Variants in TAFA1 observed in about 807,000 individuals in gnomAD.
The protein encoded by TAFA1 is TAFA chemokine like family member 1, also known as chemokine-like protein TAFA-1.
A neutral mutation model predicts 18.5 loss-of-function variants in TAFA1; 4 were observed. The observed-to-expected ratio is 0.22, with a 90% CI of 0.11 to 0.49. TAFA1 has a LOEUF of 0.49. Among genes scored for constraint, TAFA1 ranks in the 20% least tolerant of loss-of-function variants. TAFA1 has a pLI of 0.98. For synonymous variants in TAFA1, 56 were observed against 55.2 expected (o/e 1.01, Z -0.06); for missense variants, 147 against 169.0 (o/e 0.87, Z 0.72).
intron 2 of TAFA1, among the ~76,000 whole-genome samples, chr3:68,328,283 T>A (rs2068808723): frequency 6.6e-6 from 1 of 152,208 alleles, no homozygotes; most frequent in Non-Finnish European, 1.5e-5. Context: ...GTGTGGAGTG[T>A]TGAAATTACC....
intron 2 of TAFA1, among the ~76,000 whole-genome samples, chr3:68,349,832 G>T (rs1355383485): frequency 6.6e-6 from 1 of 152,086 alleles, no homozygotes; most frequent in Non-Finnish European, 1.5e-5. Context: ...CCCTAGTGGG[G>T]ATGCGGAAGG....
chr3:68,485,583 C>A (rs2072320111), intron 3 of TAFA1, among the ~76,000 whole-genome samples: 1 of 152,152 alleles, frequency 6.6e-6, no homozygotes, highest in Non-Finnish European at 1.5e-5. Context: ...TCCTTTGACA[C>A]TCCAATAAAT....
intron 2 of TAFA1, among the ~76,000 whole-genome samples, chr3:68,321,700 C>A (rs1421047181): frequency 6.6e-6 from 1 of 152,138 alleles, no homozygotes; most frequent in African/African-American, 2.4e-5. Context: ...TCTCTCCCTA[C>A]CTTCATCCAT....
At chr3:68,411,436 C>T (rs144636639) in intron 2 of TAFA1, among the ~76,000 whole-genome samples, 2,545 of 152,258 alleles carry the variant, frequency 0.017, 36 homozygotes, top group Non-Finnish European at 0.026. Flanking sequence ...ATCATCTACC[C>T]ATCTAAATGT....
chr3:68,297,130 G>A (rs928774911), intron 2 of TAFA1, among the ~76,000 whole-genome samples: 1 of 152,132 alleles, frequency 6.6e-6, no homozygotes, highest in African/African-American at 2.4e-5. Context: ...AAATAAGCAG[G>A]TATATAACAC....
intron 3 of TAFA1, among the ~76,000 whole-genome samples, chr3:68,474,908 T>C (rs1445088318): frequency 2.0e-5 from 3 of 152,174 alleles, no homozygotes; most frequent in African/African-American, 7.2e-5. Context: ...GCTTTGTTTT[T>C]TTCAGAGTGG....
In TAFA1 at chr3:68,485,286, A is replaced by G. The variant is rs114605883; in HGVS notation, c.260-53470A>G. ...GCCAGATGTCTAACTGATTCCAGCC[A>G]TTTGTTTTCAAAACAACCCACTTGT... On this transcript the variant is annotated intron_variant, in intron 3 of 4. Transcript: ENST00000478136. Among the ~76,000 whole-genome samples the G allele has an allele frequency of 3.7e-3, 563 of 152,292 alleles. 3 individuals carry two copies. The highest frequency in any genetic ancestry group is 0.013 in the African/African-American group (520 of 41,568).
rs531046370 is a variant in TAFA1, at chr3:68,116,520, A to G, written c.118+109776A>G. ...TCTTTCAATGAAATTAACATTAACAATCTAATTATTCCCAACCATAGTTAT... is the reference window on the plus strand; with the variant it reads ...TCTTTCAATGAAATTAACATTAACAGTCTAATTATTCCCAACCATAGTTAT... On this transcript the variant is annotated intron_variant, in intron 2 of 4. Coordinates refer to ENST00000478136, the MANE Select transcript of TAFA1 (RefSeq NM_213609.4). 2.0e-4 allele frequency among the ~76,000 whole-genome samples: 31 copies of G among 152,278 alleles called. 1 individual carries two copies. Among genetic ancestry groups the G allele is most frequent in the Admixed American group, 1.8e-3 (27 of 15,296 alleles).
At chr3:68,393,811 C>T (rs978138530) in intron 2 of TAFA1, among the ~76,000 whole-genome samples, 8 of 152,128 alleles carry the variant, frequency 5.3e-5, no homozygotes. Flanking sequence ...TAAAATTCAA[C>T]ACCCCTTCAT....
intron 2 of TAFA1, among the ~76,000 whole-genome samples, chr3:68,241,053 T>A (rs972636635): frequency 6.6e-6 from 1 of 152,176 alleles, no homozygotes; most frequent in Non-Finnish European, 1.5e-5. Context: ...TAGATATAAA[T>A]CGTCACAGCA....
At chr3:68,297,553 C>T (rs1393542026) in intron 2 of TAFA1, among the ~76,000 whole-genome samples, 1 of 152,150 alleles carries the variant, frequency 6.6e-6, no homozygotes, top group African/African-American at 2.4e-5. Context: ...TTCTGATGGG[C>T]AATAATGTCT....
chr3:68,058,042 A>C (rs1192970572), intron 2 of TAFA1, among the ~76,000 whole-genome samples: 1 of 152,224 alleles, frequency 6.6e-6, no homozygotes, highest in Non-Finnish European at 1.5e-5. Flanking sequence ...TTGCTACTGC[A>C]GCAATAAGAA....
At chr3:68,159,562 C>A (rs986171930) in intron 2 of TAFA1, among the ~76,000 whole-genome samples, 3 of 152,070 alleles carry the variant, frequency 2.0e-5, no homozygotes, top group Non-Finnish European at 2.9e-5. Flanking sequence ...CTGCTCCCCC[C>A]TTCCTACTTA....
intron 3 of TAFA1, among the ~76,000 whole-genome samples, chr3:68,495,375 T>C (rs1359532114): frequency 1.3e-5 from 2 of 152,316 alleles, no homozygotes; most frequent in African/African-American, 4.8e-5. Flanking sequence ...GTTGGCAAAA[T>C]CATTTAAAAA....
intron 3 of TAFA1, among the ~76,000 whole-genome samples, chr3:68,419,003 G>A (rs984139611): frequency 4.6e-5 from 7 of 152,088 alleles, no homozygotes; most frequent in Non-Finnish European, 8.8e-5. Context: ...TGACTGATAT[G>A]GCAGAATGGT....
chr3:68,152,434 A>T (rs962940671), intron 2 of TAFA1, among the ~76,000 whole-genome samples: 3 of 152,084 alleles, frequency 2.0e-5, no homozygotes, highest in Non-Finnish European at 2.9e-5. Context: ...GTGCTGTAAA[A>T]CCCTGGTGCA....
chr3:68,426,907 T>G (rs889429410), intron 3 of TAFA1, among the ~76,000 whole-genome samples: 23 of 151,932 alleles, frequency 1.5e-4, no homozygotes, highest in Non-Finnish European at 2.2e-4. Context: ...TGATGTTATT[T>G]TAATGTGAAA....
chr3:68,491,973 T>C (rs1426535261), intron 3 of TAFA1, among the ~76,000 whole-genome samples: 1 of 152,226 alleles, frequency 6.6e-6, no homozygotes. Flanking sequence ...ACTGTATCGA[T>C]GACCTACCTC....
At chr3:68,144,386 T>C (rs2065710982) in intron 2 of TAFA1, among the ~76,000 whole-genome samples, 1 of 152,198 alleles carries the variant, frequency 6.6e-6, no homozygotes, top group Non-Finnish European at 1.5e-5. Flanking sequence ...TTTTAAGACC[T>C]GACTTTTAAT....
Sources: gnomAD v4.1 joint callset for allele counts (sites outside exome capture counted in the v4.1 genomes callset) on GRCh38, gnomAD v4.1.1 for gene constraint, MANE v1.5 for transcripts, NCBI Gene and HGNC (gene_info 2026-07-23, HGNC 2026-07-21) for gene names.